Variants in DACH2 observed in about 807,000 individuals in gnomAD.
The protein encoded by DACH2 is dachshund family transcription factor 2.
Under a neutral mutation model 35.8 loss-of-function variants are expected in DACH2, and 17 were observed. The ratio of observed to expected loss-of-function variants is 0.48; its 90% CI spans 0.33 to 0.71. The LOEUF (loss-of-function observed/expected upper bound fraction) is 0.71. Among genes scored for constraint, DACH2 ranks in the 30% least tolerant of loss-of-function variants. The pLI, the probability that DACH2 is intolerant of heterozygous loss-of-function variation, is 0.02. For missense variants in DACH2, 469 were observed against 472.7 expected (o/e 0.99, Z 0.07); for synonymous variants, 195 against 177.3 (o/e 1.10, Z -0.79).
At chrX:86,605,784 A>T (rs1602692737) in intron 3 of DACH2, among the ~76,000 whole-genome samples, 5 of 94,108 alleles carry the variant, frequency 5.3e-5, no homozygotes, top group East Asian at 3.4e-4. Flanking sequence ...TGTCTTTTTT[A>T]CTCAATTTGG....
chrX:86,550,680 T>C (rs1256121461), intron 3 of DACH2, among the ~76,000 whole-genome samples: 5 of 111,253 alleles, frequency 4.5e-5, no homozygotes, highest in African/African-American at 1.6e-4. Context: ...TGGGTAATGC[T>C]GTTTGTTTTC....
intron 7 of DACH2, among the ~76,000 whole-genome samples, chrX:86,776,948 T>C (rs760956091): frequency 1.8e-5 from 2 of 112,121 alleles, no homozygotes; most frequent in East Asian, 5.6e-4. Flanking sequence ...TAATATTCCA[T>C]GGTGTATATG....
rs1408884085 is a variant in DACH2, at chrX:86,294,730, CTCAGGGG to C, written c.489-82080_489-82074del. On this transcript the variant is annotated intron_variant, in intron 1 of 11. Coordinates refer to ENST00000373125, the MANE Select transcript of DACH2 (RefSeq NM_053281.3). ...TGGGGGGTGCCTCCCAGTTAGGCTGCTCAGGGGTCAGGGGTCAGGGACCCACTTGAGG... is the reference window on the plus strand; with the variant it reads ...TGGGGGGTGCCTCCCAGTTAGGCTGCTCAGGGGTCAGGGACCCACTTGAGG... Among the ~76,000 whole-genome samples, 9 of 110,405 alleles carry C rather than the reference CTCAGGGG, an allele frequency of 8.2e-5. No homozygotes were observed. In the East Asian group the frequency reaches 2.6e-3, roughly 32 times the overall value.
chrX:86,739,533 G>A (rs1037170800), intron 6 of DACH2, among the ~76,000 whole-genome samples: 5 of 111,521 alleles, frequency 4.5e-5, no homozygotes, highest in African/African-American at 1.6e-4. Flanking sequence ...ATGCTTTTTT[G>A]ACTTTTTCTA....
intron 2 of DACH2, among the ~76,000 whole-genome samples, chrX:86,446,288 CTTTTT>C (rs753958102): frequency 1.3e-5 from 1 of 78,082 alleles, no homozygotes; most frequent in Non-Finnish European, 2.5e-5. Context: ...AGTCTTGTTT[CTTTTT>C]TTTTTTTTTT....
chrX:86,789,463 T>C (rs1407073970), intron 7 of DACH2, among the ~76,000 whole-genome samples: 1 of 111,923 alleles, frequency 8.9e-6, no homozygotes, highest in African/African-American at 3.2e-5. Flanking sequence ...GCATCTGGTA[T>C]CAATAATTTT....
At chrX:86,283,821 A>G (rs1407870872) in intron 1 of DACH2, among the ~76,000 whole-genome samples, 1 of 108,525 alleles carries the variant, frequency 9.2e-6, no homozygotes, top group Non-Finnish European at 1.9e-5. Context: ...TTGTATACCT[A>G]TGTAACAAAC....
intron 5 of DACH2, among the ~76,000 whole-genome samples, chrX:86,696,728 G>A (rs1177989197): frequency 1.8e-5 from 2 of 111,366 alleles, no homozygotes; most frequent in African/African-American, 6.5e-5. Flanking sequence ...GAGACTCACT[G>A]TAGATCTAGC....
chrX:86,245,403 G>A (rs968742118), intron 1 of DACH2, among the ~76,000 whole-genome samples: 10 of 111,835 alleles, frequency 8.9e-5, no homozygotes, highest in African/African-American at 3.3e-4. Context: ...CACCTGATGA[G>A]GTGCTTTTGC....
At chrX:86,486,893 T>C (rs922980768) in intron 2 of DACH2, among the ~76,000 whole-genome samples, 4 of 111,719 alleles carry the variant, frequency 3.6e-5, no homozygotes, top group African/African-American at 1.3e-4. Context: ...TTTACCAGTA[T>C]TTTTCTTCCC....
intron 4 of DACH2, among the ~76,000 whole-genome samples, chrX:86,691,333 A>G (rs1375710544): frequency 9.0e-6 from 1 of 111,651 alleles, no homozygotes; most frequent in Non-Finnish European, 1.9e-5. Flanking sequence ...TATTAAGTGC[A>G]TTTTAAAATA....
At chrX:86,369,741 A>G (rs769639363) in intron 1 of DACH2, among the ~76,000 whole-genome samples, 1 of 111,453 alleles carries the variant, frequency 9.0e-6, no homozygotes, top group Admixed American at 9.6e-5. Context: ...ATGAATCTAT[A>G]TTTTTACCAA....
At chrX:86,313,807 A>G (rs1489835240) in intron 1 of DACH2, among the ~76,000 whole-genome samples, 1 of 111,583 alleles carries the variant, frequency 9.0e-6, no homozygotes, top group Non-Finnish European at 1.9e-5. Flanking sequence ...CTTCTCAGGC[A>G]TTTCCTTTTT....
At chrX:86,485,722 TA>T (rs780952398) in intron 2 of DACH2, among the ~76,000 whole-genome samples, 6 of 111,176 alleles carry the variant, frequency 5.4e-5, no homozygotes, top group African/African-American at 9.8e-5. Flanking sequence ...GTGATAAATA[TA>T]AAAAAAACTC....
At chrX:86,332,850 A>G (rs1221646816) in intron 1 of DACH2, among the ~76,000 whole-genome samples, 1 of 112,089 alleles carries the variant, frequency 8.9e-6, no homozygotes, top group Non-Finnish European at 1.9e-5. Flanking sequence ...CACCAAATGT[A>G]TAAGATCATA....
chrX:86,740,857 C>T (rs1272665471), intron 7 of DACH2, among the ~76,000 whole-genome samples: 3 of 110,994 alleles, frequency 2.7e-5, no homozygotes, highest in Non-Finnish European at 5.7e-5. Context: ...AATTACTCTT[C>T]TCTGTGTGAC....
intron 1 of DACH2, among the ~76,000 whole-genome samples, chrX:86,191,498 G>A (rs754857662): frequency 1.8e-5 from 2 of 111,090 alleles, no homozygotes; most frequent in African/African-American, 6.5e-5. Context: ...TGGGAGGAGA[G>A]TGAGGACTGA....
intron 1 of DACH2, among the ~76,000 whole-genome samples, chrX:86,181,487 C>T (rs1208494936): frequency 1.8e-5 from 2 of 111,160 alleles, no homozygotes; most frequent in Non-Finnish European, 3.8e-5. Context: ...TTTCCTTCTT[C>T]GTTCATGTCC....
chrX:86,803,181 C>A (rs2042311124), intron 7 of DACH2, among the ~76,000 whole-genome samples: 1 of 111,512 alleles, frequency 9.0e-6, no homozygotes, highest in Admixed American at 9.6e-5. Context: ...AGAGTTACTC[C>A]AAAAAATCAG....
Sources: allele counts gnomAD v4.1 joint callset (sites outside exome capture counted in the v4.1 genomes callset), GRCh38; gene constraint gnomAD v4.1.1; transcripts MANE v1.5; gene names NCBI Gene and HGNC (gene_info 2026-07-23, HGNC 2026-07-21).